SVIL: variants seen among roughly 807,000 people sequenced by gnomAD.
SVIL encodes the protein archvillin.
A neutral mutation model predicts 240.4 loss-of-function variants in SVIL; 101 were observed. The observed-to-expected ratio is 0.42, with a 90% CI of 0.36 to 0.50. SVIL has a LOEUF of 0.50. Among genes scored for constraint, SVIL ranks in the 20% least tolerant of loss-of-function variants. The pLI is 0.01. For synonymous variants in SVIL, 999 were observed against 1,100.0 expected (o/e 0.91, Z 1.82); for missense variants, 2,512 against 2,818.7 (o/e 0.89, Z 2.46).
intron 1 of SVIL, among the ~76,000 whole-genome samples, chr10:29,720,648 T>C (rs1935999): frequency 0.63 from 95,840 of 151,972 alleles, 30,512 homozygotes; most frequent in Non-Finnish European, 0.67. Flanking sequence ...CTCCTTATTA[T>C]TTAAGCTTTT....
intron 1 of SVIL, among the ~76,000 whole-genome samples, chr10:29,689,066 G>C (rs1961302025): frequency 6.6e-6 from 1 of 152,146 alleles, no homozygotes; most frequent in Non-Finnish European, 1.5e-5. Flanking sequence ...TATTTGCTAA[G>C]CTCTAGGAAT....
At chr10:29,652,998 T>A (rs1958886223) in intron 3 of SVIL, among the ~76,000 whole-genome samples, 1 of 151,384 alleles carries the variant, frequency 6.6e-6, no homozygotes, top group African/African-American at 2.4e-5. Flanking sequence ...TTTTTCCTTT[T>A]CCTTTTTTTT....
chr10:29,727,587 C>A (rs1422856112), intron 1 of SVIL, among the ~76,000 whole-genome samples: 1 of 152,030 alleles, frequency 6.6e-6, no homozygotes, highest in Non-Finnish European at 1.5e-5. Flanking sequence ...ATAGCCAAAC[C>A]ACCTGGGATA....
intron 2 of SVIL, among the ~76,000 whole-genome samples, chr10:29,686,305 C>T (rs1260296572): frequency 1.3e-5 from 2 of 152,150 alleles, no homozygotes; most frequent in Non-Finnish European, 2.9e-5. Flanking sequence ...GGAACATGGT[C>T]TAAGGAAAGG....
intron 2 of SVIL, among the ~76,000 whole-genome samples, chr10:29,667,680 T>C (rs1311696000): frequency 6.6e-6 from 1 of 151,906 alleles, no homozygotes; most frequent in Non-Finnish European, 1.5e-5. Context: ...AGCAAGACCA[T>C]GTCTCTACAA....
chr10:29,679,882 AG>A lies in SVIL; in HGVS notation c.-301+6670del, dbSNP rs199730072. 1.4e-3 allele frequency among the ~76,000 whole-genome samples: 176 copies of A among 123,736 alleles called. 1 individual carries two copies. The highest frequency in any genetic ancestry group is 2.5e-3 in the East Asian group (11 of 4,408). 81.2% of individuals were successfully genotyped at this position (123,736 alleles called of 152,430 possible). On this transcript the variant is annotated intron_variant, in intron 2 of 35. Coordinates refer to the SVIL transcript ENST00000375400. ...ACATGTACCCCCTGAATCTAAAATT[AG>A]AAAAAAAAAAAAGTCCAGGTCAGGC...
intron 22 of SVIL, among the ~76,000 whole-genome samples, chr10:29,489,107 C>G (rs1254238318): frequency 2.6e-5 from 4 of 152,226 alleles, no homozygotes; most frequent in African/African-American, 9.6e-5. Context: ...ACAACTTTTA[C>G]ATGTCCAAAT....
intron 2 of SVIL, chr10:29,686,543 C>G (rs1030810049): frequency 6.6e-6 from 1 of 152,188 alleles, no homozygotes; most frequent in Admixed American, 6.5e-5. Flanking sequence ...CCGAAATCAT[C>G]AATAATTACC....
At chr10:29,474,122 C>A (rs542068178) in intron 29 of SVIL, 133 bp from the exon 30 acceptor site, 70 of 1,244,790 alleles carry the variant, frequency 5.6e-5, no homozygotes, top group Non-Finnish European at 7.5e-5. Context: ...GGGGAGAAAC[C>A]GTTGGCACCT....
At chr10:29,673,257 C>A (rs1165815343) in intron 2 of SVIL, among the ~76,000 whole-genome samples, 9 of 152,048 alleles carry the variant, frequency 5.9e-5, no homozygotes, top group Non-Finnish European at 1.3e-4. Context: ...AATAAATCTA[C>A]ACTAGAAATA....
chr10:29,573,923 G>A (rs796389951), intron 1 of SVIL, among the ~76,000 whole-genome samples: 12 of 152,196 alleles, frequency 7.9e-5, no homozygotes, highest in South Asian at 2.1e-4. Context: ...CTCGAACTCC[G>A]GACCTCAGGT....
chr10:29,512,688 A>G (rs1218313435), intron 17 of SVIL, 47 bp downstream of exon 17: 2 of 1,613,698 alleles, frequency 1.2e-6, no homozygotes, highest in African/African-American at 2.7e-5. Context: ...ATGCACTTCC[A>G]AGAGTGATGT....
upstream of SVIL, among the ~76,000 whole-genome samples, chr10:29,637,244 G>C (rs149863923): frequency 0.015 from 2,295 of 152,284 alleles, 68 homozygotes; most frequent in African/African-American, 0.053. Flanking sequence ...CAGCACTTTG[G>C]TAGGCCGAGG....
intron 17 of SVIL, among the ~76,000 whole-genome samples, chr10:29,502,853 T>C (rs1010407535): frequency 6.6e-6 from 1 of 152,220 alleles, no homozygotes; most frequent in Non-Finnish European, 1.5e-5. Context: ...TCTTTCTCTC[T>C]GTATACACTG....
At chr10:29,513,453 T>C (rs972967732) in intron 16 of SVIL, among the ~76,000 whole-genome samples, 1 of 152,106 alleles carries the variant, frequency 6.6e-6, no homozygotes, top group Non-Finnish European at 1.5e-5. Context: ...CAAGAATCGC[T>C]TGAACCTGGG....
chr10:29,635,270 C>A, upstream of SVIL, among the ~76,000 whole-genome samples: 1 of 152,262 alleles, frequency 6.6e-6, no homozygotes, highest in East Asian at 1.9e-4. Flanking sequence ...CAATCGTTGA[C>A]AAAGCTCAGA....
chr10:29,715,575 A>G (rs1193438499), intron 1 of SVIL, among the ~76,000 whole-genome samples: 2 of 152,234 alleles, frequency 1.3e-5, no homozygotes, highest in Admixed American at 6.5e-5. Context: ...CCTTGTCCCA[A>G]GCTAATCCCT....
chr10:29,532,786 G>C lies in SVIL; in HGVS notation c.1581C>G (p.Asp527Glu), dbSNP rs761155563. ...LYIQSEPVSQ[D>E]AKPTGHNREA... ...CCCTGTTGTGACCAGTTGGTTTGGCGTCTTGGGACACAGGCTCACTTTGAA... is the reference window on the plus strand; with the variant it reads ...CCCTGTTGTGACCAGTTGGTTTGGCCTCTTGGGACACAGGCTCACTTTGAA... Residue 527 changes from aspartate (D) to glutamate (E), a missense_variant, in exon 8 of 38, where the codon GAC becomes GAG. Physicochemically the swap from Asp to Glu is conservative, Grantham distance 45. Transcript: ENST00000355867. 6.2e-7 allele frequency: 1 copy of C among 1,614,136 alleles called. No homozygotes were observed.
chr10:29,629,373 C>T (rs184124323), intron 1 of SVIL, among the ~76,000 whole-genome samples: 8 of 152,236 alleles, frequency 5.3e-5, no homozygotes, highest in Non-Finnish European at 7.3e-5. Context: ...TAACCTAAGG[C>T]GGCTCAAAGC....
Sources: gnomAD v4.1 joint callset for allele counts (sites outside exome capture counted in the v4.1 genomes callset) on GRCh38, gnomAD v4.1.1 for gene constraint, MANE v1.5 for transcripts, NCBI Gene and HGNC (gene_info 2026-07-23, HGNC 2026-07-21) for gene names.